Variants in CNGB1 observed in about 807,000 individuals in gnomAD.
CNGB1 encodes cyclic nucleotide-gated channel beta-1.
CNGB1 carries 126 observed loss-of-function variants against 151.7 expected under a neutral mutation model. That is an observed-to-expected ratio of 0.83 (90% CI 0.72 to 0.96). The LOEUF (loss-of-function observed/expected upper bound fraction) is 0.96, where lower values mean the gene tolerates loss of function less well. Among genes scored for constraint, CNGB1 ranks in the 40% least tolerant of loss-of-function variants. The pLI is 0.00. For synonymous variants in CNGB1, 623 were observed against 635.1 expected (o/e 0.98, Z 0.29); for missense variants, 1,698 against 1,627.0 (o/e 1.04, Z -0.75).
At chr16:57,894,982 C>A (rs1468478748) in intron 31 of CNGB1, among the ~76,000 whole-genome samples, 3 of 152,182 alleles carry the variant, frequency 2.0e-5, no homozygotes, top group Admixed American at 2.0e-4. Context: ...ATCATATATA[C>A]TCGGGCTAAA....
At chr16:57,914,230 TG>T (rs1960804198) in intron 23 of CNGB1, among the ~76,000 whole-genome samples, 1 of 152,172 alleles carries the variant, frequency 6.6e-6, no homozygotes, top group African/African-American at 2.4e-5. Context: ...CCTCTGCGTC[TG>T]GGGTGAAACT....
intron 31 of CNGB1, among the ~76,000 whole-genome samples, chr16:57,895,997 A>C (rs1255477489): frequency 6.6e-6 from 1 of 152,114 alleles, no homozygotes; most frequent in African/African-American, 2.4e-5. Flanking sequence ...GAGAAGAGAA[A>C]GCTCTTCCAC....
intron 8 of CNGB1, 100 bp downstream of exon 8, chr16:57,960,739 TG>T (rs1374060367): frequency 4.4e-6 from 6 of 1,368,144 alleles, no homozygotes; most frequent in Non-Finnish European, 6.1e-6. Flanking sequence ...TCATGAGTTC[TG>T]GGGTGGGTGG....
rs1430159898 is a variant in CNGB1 at position 57,883,908 on chromosome 16, G to T, written c.*256C>A. ...AGAGGAACAGTCAGGAAAAGGTAGGGCTCTCAAATGATAGTGAGAGCTCAG... is the reference window on the plus strand; with the variant it reads ...AGAGGAACAGTCAGGAAAAGGTAGGTCTCTCAAATGATAGTGAGAGCTCAG... On this transcript the variant is annotated 3_prime_UTR_variant, in exon 33 of 33. Coordinates refer to ENST00000251102, the MANE Select transcript of CNGB1 (RefSeq NM_001297.5). The T allele has an allele frequency of 5.1e-6, 3 of 591,532 alleles. No individual in the cohort carries two copies. The highest frequency in any genetic ancestry group is 9.1e-6 in the Non-Finnish European group (3 of 331,058). 36.6% of individuals were successfully genotyped at this position (591,532 alleles called of 1,614,324 possible).
In CNGB1 at chr16:57,920,375, C is replaced by T. The variant is rs758123311; in HGVS notation, c.1801+12G>A. 6.2e-7 allele frequency: 1 copy of T among 1,614,076 alleles called. No homozygotes were observed. The highest frequency in any genetic ancestry group is 1.1e-5 in the South Asian group (1 of 91,084). ...CCCCATCCAGGTAGACCCCCTCCAG[C>T]TCCAGACTCACAGGGCTTGGGGCTC... is the stretch of plus-strand genomic sequence containing the variant. On this transcript the variant is annotated intron_variant, in intron 19 of 32. Transcript: ENST00000251102.
chr16:57,895,632 T>C (rs1960203466), intron 31 of CNGB1, among the ~76,000 whole-genome samples: 1 of 151,852 alleles, frequency 6.6e-6, no homozygotes, highest in East Asian at 1.9e-4. Flanking sequence ...TGCAGAGGCC[T>C]AGTAGCACTC....
intron 11 of CNGB1, 135 bp from the exon 12 acceptor site, chr16:57,957,512 G>A (rs1962121054): frequency 4.0e-6 from 3 of 758,920 alleles, no homozygotes; most frequent in Non-Finnish European, 7.0e-6. Flanking sequence ...GGAGAAGAGA[G>A]TCCCTGCTGT....
chr16:57,965,898 GCA>G (rs1567400629), intron 2 of CNGB1, among the ~76,000 whole-genome samples: 1 of 152,146 alleles, frequency 6.6e-6, no homozygotes, highest in African/African-American at 2.4e-5. Flanking sequence ...ATACATGTGT[GCA>G]CACACAGACA....
chr16:57,892,842 A>T (rs1960130141), intron 31 of CNGB1, among the ~76,000 whole-genome samples: 1 of 152,056 alleles, frequency 6.6e-6, no homozygotes, highest in South Asian at 2.1e-4. Flanking sequence ...GTCTCGTTGA[A>T]ATGCCACCTG....
intron 31 of CNGB1, among the ~76,000 whole-genome samples, chr16:57,892,971 G>A (rs1960135014): frequency 6.6e-6 from 1 of 152,096 alleles, no homozygotes; most frequent in Non-Finnish European, 1.5e-5. Flanking sequence ...TCTTTCCATT[G>A]CCGGTTCCCT....
At chr16:57,958,337 C>T (rs1337369629) in intron 11 of CNGB1, 73 bp downstream of exon 11, 26 of 1,413,004 alleles carry the variant, frequency 1.8e-5, no homozygotes, top group Non-Finnish European at 2.5e-5. Flanking sequence ...GCCAACCATC[C>T]TCCTCCTTAC....
Position 57,960,041 on chromosome 16 carries a change from A to G in CNGB1, c.608T>C (p.Met203Thr). The change falls in exon 10 of 33, where the codon ATG (methionine) becomes ACG (threonine). Residue 203 changes from methionine (M) to threonine (T), a missense_variant. Coordinates refer to ENST00000251102, the MANE Select transcript of CNGB1 (RefSeq NM_001297.5). ...DPAPPGRPQE[M>T]GPKLQARETP... is the part of the protein sequence containing the mutation. ...CTCCCGGGCCTGCAGCTTGGGCCCC[A>G]TTTCCTGGGGGCGTCCTGGAGGCGC... 4 of 1,564,120 alleles carry G rather than the reference A, an allele frequency of 2.6e-6. No individual in the cohort carries two copies. The highest frequency in any genetic ancestry group is 3.5e-6 in the Non-Finnish European group (4 of 1,158,148).
At chr16:57,892,286 G>A (rs760764867) in intron 31 of CNGB1, among the ~76,000 whole-genome samples, 1 of 152,092 alleles carries the variant, frequency 6.6e-6, no homozygotes, top group Non-Finnish European at 1.5e-5. Context: ...TCAGTGAGGA[G>A]GCGAATTTGC....
intron 20 of CNGB1, among the ~76,000 whole-genome samples, chr16:57,918,438 A>G (rs1367879155): frequency 1.3e-5 from 2 of 152,200 alleles, no homozygotes; most frequent in East Asian, 3.8e-4. Context: ...CTAAAGTGCT[A>G]TGCACATATG....
chr16:57,944,007 C>G (rs1961738045), intron 14 of CNGB1, among the ~76,000 whole-genome samples: 1 of 152,022 alleles, frequency 6.6e-6, no homozygotes, highest in African/African-American at 2.4e-5. Context: ...CCTGCCTCAG[C>G]CTCCCGAGTA....
At position 57,897,503 on chromosome 16, in the gene CNGB1, C is replaced by A; in HGVS notation, c.3136G>T (p.Val1046Leu). The A allele has an allele frequency of 6.2e-7, 1 of 1,614,126 alleles. No individual in the cohort carries two copies. Among genetic ancestry groups the A allele is most frequent in the Non-Finnish European group, 8.5e-7 (1 of 1,179,988 alleles). Residue 1046 changes from valine to leucine, a missense_variant, in exon 31 of 33, where the codon GTG (valine) becomes TTG (leucine). Transcript: ENST00000251102. ...AGGTTGGTAAACCCGTGCGCCACCA[C>A]GTTGGCCGTGCGCCGGTTCCCGCCC... The part of the protein sequence containing the change: ...VGGGNRRTAN[V>L]VAHGFTNLFI...
At chr16:57,959,625 C>CA (rs1962185976) in intron 10 of CNGB1, among the ~76,000 whole-genome samples, 1 of 135,966 alleles carries the variant, frequency 7.4e-6, no homozygotes, top group African/African-American at 2.7e-5. Flanking sequence ...AACAAACAAA[C>CA]AAAAAAGCAA....
intron 16 of CNGB1, among the ~76,000 whole-genome samples, chr16:57,938,493 A>G (rs2149375477): frequency 6.6e-6 from 1 of 152,074 alleles, no homozygotes; most frequent in Admixed American, 6.6e-5. Context: ...TGTCTCCCCT[A>G]CTCTGCCCAG....
chr16:57,884,146 G>A lies in CNGB1; in HGVS notation c.*18C>T, dbSNP rs756653795. The A allele has an allele frequency of 1.2e-6, 2 of 1,613,946 alleles. No individual in the cohort carries two copies. Among genetic ancestry groups the A allele is most frequent in the Non-Finnish European group, 1.7e-6 (2 of 1,179,894 alleles). On this transcript the variant is annotated 3_prime_UTR_variant, in exon 33 of 33. Coordinates refer to ENST00000251102, the MANE Select transcript of CNGB1 (RefSeq NM_001297.5). ...ACACACCTGCTGGAACTGCGCGCGG[G>A]ATCCGCCTCACCCCACCTTACTCCG...
Sources: allele counts gnomAD v4.1 joint callset (sites outside exome capture counted in the v4.1 genomes callset), GRCh38; gene constraint gnomAD v4.1.1; transcripts MANE v1.5; gene names NCBI Gene and HGNC (gene_info 2026-07-23, HGNC 2026-07-21).